The following ZNRF3 variants were observed in gnomAD, a reference collection of about 807,000 sequenced individuals.
ZNRF3 encodes E3 ubiquitin-protein ligase ZNRF3.
In ZNRF3, 23 loss-of-function variants were observed where a neutral mutation model predicts 72.5. The observed-to-expected ratio is 0.32, with a 90% CI of 0.23 to 0.45. ZNRF3 has a LOEUF of 0.45. Among genes scored for constraint, ZNRF3 ranks in the 20% least tolerant of loss-of-function variants. The pLI, the probability that ZNRF3 is intolerant of heterozygous loss-of-function variation, is 1.00. For missense variants in ZNRF3, 1,169 were observed against 1,272.1 expected (o/e 0.92, Z 1.23); for synonymous variants, 610 against 545.3 (o/e 1.12, Z -1.65).
intron 1 of ZNRF3, among the ~76,000 whole-genome samples, chr22:28,957,106 A>G (rs1057274848): frequency 1.4e-4 from 22 of 151,898 alleles, no homozygotes; most frequent in African/African-American, 5.3e-4. Context: ...AGATTTACAC[A>G]GAGCATCTCT....
In ZNRF3 at chr22:29,049,053, G is replaced by A; in HGVS notation, c.1016-144G>A. 1 of 951,048 alleles carries A rather than the reference G, an allele frequency of 1.1e-6. No individual in the cohort carries two copies. The highest frequency in any genetic ancestry group is 1.6e-6 in the Non-Finnish European group (1 of 635,192). The allele number at this position is 951,048 out of a possible 1,614,324, so 58.9% of individuals were successfully genotyped here. A position where few individuals can be genotyped will look rare whatever the true frequency, so the allele number is the denominator to read the frequency against. On this transcript the variant is annotated intron_variant, in intron 7 of 8. Coordinates refer to ENST00000544604, the MANE Select transcript of ZNRF3 (RefSeq NM_001206998.2). This position sits in a 1 kb window ranked among gnomAD's most constrained non-coding sequence, Gnocchi z 5.2. ...GGTCAGCCTCTGCCGCTGCAGCTCAGTTTGGGGGCAGGGTTGTGAGAATGG... is the reference window on the plus strand; with the variant it reads ...GGTCAGCCTCTGCCGCTGCAGCTCAATTTGGGGGCAGGGTTGTGAGAATGG...
intron 1 of ZNRF3, among the ~76,000 whole-genome samples, chr22:28,907,547 T>G (rs1220569620): frequency 6.6e-6 from 1 of 152,200 alleles, no homozygotes; most frequent in Non-Finnish European, 1.5e-5. Context: ...CCTTTCATGG[T>G]CTGGTTCCAT....
chr22:28,990,120 C>A (rs576087902), intron 2 of ZNRF3, among the ~76,000 whole-genome samples: 1 of 152,206 alleles, frequency 6.6e-6, no homozygotes, highest in Non-Finnish European at 1.5e-5. Context: ...CAGGCCAGGG[C>A]GCCAGGCCAG....
rs752698995 is a variant in ZNRF3, at chr22:29,046,707, G to A, written c.745-9G>A. The A allele has an allele frequency of 6.9e-6, 11 of 1,593,276 alleles. 1 individual carries two copies. In the South Asian group the frequency reaches 1.3e-4, roughly 19 times the overall value. On this transcript the variant is annotated splice_polypyrimidine_tract_variant and intron_variant, in intron 5 of 8. Coordinates refer to ENST00000544604, the MANE Select transcript of ZNRF3 (RefSeq NM_001206998.2). The stretch of plus-strand genomic sequence containing the variant: ...TGGACCCTCACACAGACTACATTCT[G>A]CCCTGCAGAATTCCATGAACAGGCT...
rs2037251739 is a variant in ZNRF3, at chr22:29,053,725, A to G, written c.*103A>G. The G allele has an allele frequency of 1.6e-6, 2 of 1,228,624 alleles. No homozygotes were observed. The highest frequency in any genetic ancestry group is 2.3e-6 in the Non-Finnish European group (2 of 875,428). The allele number at this position is 1,228,624 out of a possible 1,614,324, so 76.1% of individuals were successfully genotyped here. On this transcript the variant is annotated 3_prime_UTR_variant, in exon 9 of 9. Transcript: ENST00000544604. The stretch of plus-strand genomic sequence containing the variant: ...AAAAATTTTTTTAGCTTTGACAAAC[A>G]CACAAAAGTGGTAATAAAGAGAGCC...
intron 1 of ZNRF3, among the ~76,000 whole-genome samples, chr22:28,920,031 T>C (rs866237675): frequency 6.6e-6 from 1 of 151,598 alleles, no homozygotes; most frequent in Non-Finnish European, 1.5e-5. Context: ...AATGGTGCAA[T>C]TTTGGCTCAC....
chr22:29,041,819 T>G (rs1369075308), intron 2 of ZNRF3, among the ~76,000 whole-genome samples: 1 of 152,124 alleles, frequency 6.6e-6, no homozygotes, highest in Non-Finnish European at 1.5e-5. Context: ...TTAACCATTT[T>G]GAGACTCATT....
chr22:29,024,976 CTTTTTTTTTT>C (rs134554), intron 2 of ZNRF3: 2 of 110,470 alleles, frequency 1.8e-5, no homozygotes, highest in East Asian at 2.7e-4. Context: ...CCCTGTGCTA[CTTTTTTTTTT>C]TTTTTTTTTT....
intron 1 of ZNRF3, among the ~76,000 whole-genome samples, chr22:28,923,620 ACCTGGCCCCG>A (rs2034545421): frequency 6.6e-6 from 1 of 152,116 alleles, no homozygotes; most frequent in South Asian, 2.1e-4. Flanking sequence ...AGTTGTCAAC[ACCTGGCCCCG>A]CTTGTTTCAC....
At position 28,966,987 on chromosome 22, in the gene ZNRF3, C is replaced by A. The variant is rs139820309; in HGVS notation, c.301-20089C>A. ...CTCTGCCTCCTGGGTTCAAGTGATT[C>A]TTCTGCCTCAGCCTCCTGAGTAGCT... On this transcript the variant is annotated intron_variant, in intron 1 of 8. Transcript: ENST00000544604. Among the ~76,000 whole-genome samples the A allele has an allele frequency of 7.6e-3, 1,112 of 145,760 alleles. 19 individuals are homozygous for A. Among genetic ancestry groups the A allele is most frequent in the African/African-American group, 0.027 (1,075 of 39,108 alleles).
In ZNRF3 at chr22:29,017,919, T is replaced by TTG. The variant is rs1349134144; in HGVS notation, c.427-24575_427-24574dup. 24 of 509,308 alleles carry TTG rather than the reference T, an allele frequency of 4.7e-5. No homozygotes were observed. In the Admixed American group the frequency reaches 4.7e-4, roughly 10 times the overall value. 31.5% of individuals were successfully genotyped at this position (509,308 alleles called of 1,614,324 possible). A position where few individuals can be genotyped will look rare whatever the true frequency, so the allele number is the denominator to read the frequency against. ...AGGCTTTTAGATGTGTCCTTAAGCA[T>TTG]TGAAGCGCTTTGAGAGGTAATCAAG... On this transcript the variant is annotated intron_variant, in intron 2 of 8. Coordinates refer to ENST00000544604, the MANE Select transcript of ZNRF3 (RefSeq NM_001206998.2).
At chr22:28,900,742 GC>G (rs1334503605) in intron 1 of ZNRF3, among the ~76,000 whole-genome samples, 2 of 152,182 alleles carry the variant, frequency 1.3e-5, no homozygotes, top group Non-Finnish European at 2.9e-5. Flanking sequence ...TTTAATCTTT[GC>G]TTGCTGACTT....
intron 2 of ZNRF3, among the ~76,000 whole-genome samples, chr22:29,001,074 TTTTTTTTTTTTTG>T (rs2036134759): frequency 7.5e-6 from 1 of 133,476 alleles, no homozygotes; most frequent in African/African-American, 2.8e-5. Flanking sequence ...TTTTTTTTTT[TTTTTTTTTTTTTG>T]AGATGGAGTC....
At chr22:29,011,586 TC>T (rs2036349200) in intron 2 of ZNRF3, among the ~76,000 whole-genome samples, 1 of 152,258 alleles carries the variant, frequency 6.6e-6, no homozygotes, top group Admixed American at 6.5e-5. Context: ...TGTGCTTTTA[TC>T]TTTAGGTTCT....
rs183824636 is a variant in ZNRF3 at position 29,048,644 on chromosome 22, G to A, written c.1015+153G>A. Among the ~76,000 whole-genome samples the A allele has an allele frequency of 1.6e-4, 25 of 152,304 alleles. No individual in the cohort carries two copies. The highest frequency in any genetic ancestry group is 7.2e-4 in the Admixed American group (11 of 15,304). Reference sequence around the variant, plus strand: ...CCTGGGTTTTGGAGGTTGTCTGCACGACCCTTAGGAGAGCTTGGCATTAAG... The same window carrying A: ...CCTGGGTTTTGGAGGTTGTCTGCACAACCCTTAGGAGAGCTTGGCATTAAG... On this transcript the variant is annotated intron_variant, in intron 7 of 8. Transcript: ENST00000544604. The surrounding 1 kb of genome is among the most constrained non-coding windows in gnomAD (Gnocchi z 4.9).
chr22:28,924,812 G>C (rs774088617), intron 1 of ZNRF3, among the ~76,000 whole-genome samples: 1 of 152,178 alleles, frequency 6.6e-6, no homozygotes, highest in African/African-American at 2.4e-5. Flanking sequence ...CTTGGGTCTA[G>C]AAAGGAAGCT....
At position 29,049,744 on chromosome 22, in the gene ZNRF3, G is replaced by A. The variant is rs1288375542; in HGVS notation, c.1563G>A (p.Leu521=). 6.3e-7 allele frequency: 1 copy of A among 1,595,580 alleles called. No homozygotes were observed. The highest frequency in any genetic ancestry group is 1.1e-5 in the South Asian group (1 of 89,514). ...TVVHVAPPSH[L]ESGSTSSFSC... Reference sequence around the variant, plus strand: ...TGCACGTGGCCCCGCCCTCCCACCTGGAGAGCGGCAGCACGTCCAGCTTCA... The same window carrying A: ...TGCACGTGGCCCCGCCCTCCCACCTAGAGAGCGGCAGCACGTCCAGCTTCA... Residue 521 remains leucine (L), a synonymous_variant, in exon 8 of 9, where the codon CTG becomes CTA. Transcript: ENST00000544604. This position sits in a 1 kb window ranked among gnomAD's most constrained non-coding sequence, Gnocchi z 5.2.
intron 1 of ZNRF3, among the ~76,000 whole-genome samples, chr22:28,887,272 A>C (rs375613741): frequency 6.8e-6 from 1 of 148,090 alleles, no homozygotes; most frequent in Non-Finnish European, 1.5e-5. Context: ...GTGTGTGTGT[A>C]TACATATATT....
chr22:28,999,689 C>T (rs1161088840), intron 2 of ZNRF3, among the ~76,000 whole-genome samples: 10 of 152,200 alleles, frequency 6.6e-5, no homozygotes, highest in Admixed American at 5.2e-4. Flanking sequence ...CACTCGAGTG[C>T]GTTGCAGGTT....
Sources: gnomAD v4.1 joint callset for allele counts (sites outside exome capture counted in the v4.1 genomes callset) on GRCh38, gnomAD v4.1.1 for gene constraint, Gnocchi (gnomAD v3.1) non-coding constraint, MANE v1.5 for transcripts, NCBI Gene and HGNC (gene_info 2026-07-23, HGNC 2026-07-21) for gene names.